Variants in FBLN5 observed in about 807,000 individuals in gnomAD.
FBLN5 encodes the protein fibulin 5, also known as fibulin-5.
FBLN5 carries 24 observed loss-of-function variants against 61.6 expected under a neutral mutation model. The ratio of observed to expected loss-of-function variants is 0.39; its 90% confidence interval spans 0.28 to 0.55. The LOEUF is 0.55. FBLN5 is among the 20% of genes least tolerant of loss of function. The pLI is 0.65. For synonymous variants in FBLN5, 213 were observed against 219.8 expected (o/e 0.97, Z 0.27); for missense variants, 470 against 594.1 (o/e 0.79, Z 2.17).
intron 4 of FBLN5, among the ~76,000 whole-genome samples, chr14:91,914,391 T>C (rs1438206678): frequency 7.3e-6 from 1 of 136,862 alleles, no homozygotes; most frequent in African/African-American, 2.8e-5. Context: ...GGCAGGAGAA[T>C]GGCATGAACC....
At position 91,947,086 on chromosome 14, in the gene FBLN5, A is replaced by G. The variant is rs2056196597; in HGVS notation, c.17+127T>C. The G allele has an allele frequency of 1.3e-6, 2 of 1,543,144 alleles. No homozygotes were observed. Among genetic ancestry groups the G allele is most frequent in the Admixed American group, 3.8e-5 (2 of 52,658 alleles). ...TTATAATTAACAATATCATTGCATCACTAGCTCATGCCTTTTCCAATATCC... is the reference window on the plus strand; with the variant it reads ...TTATAATTAACAATATCATTGCATCGCTAGCTCATGCCTTTTCCAATATCC... On this transcript the variant is annotated intron_variant, in intron 1 of 10. Coordinates refer to ENST00000342058, the MANE Select transcript of FBLN5 (RefSeq NM_006329.4). This position sits in a 1 kb window ranked among gnomAD's most constrained non-coding sequence, Gnocchi z 4.3.
chr14:91,889,927 T>C (rs1418252566), intron 6 of FBLN5, among the ~76,000 whole-genome samples: 2 of 152,128 alleles, frequency 1.3e-5, no homozygotes, highest in African/African-American at 4.8e-5. Flanking sequence ...CCTCAGGAGG[T>C]ACTGGGGGCA....
At chr14:91,925,127 TA>T (rs1054440762) in intron 4 of FBLN5, among the ~76,000 whole-genome samples, 1 of 151,828 alleles carries the variant, frequency 6.6e-6, no homozygotes, top group African/African-American at 2.4e-5. Flanking sequence ...GTAGAGCTCA[TA>T]AATCAACTCT....
Position 91,942,974 on chromosome 14 carries a change from A to G in FBLN5, c.18-13T>C, listed in dbSNP as rs945558917. On this transcript the variant is annotated splice_polypyrimidine_tract_variant and intron_variant, in intron 1 of 10. Transcript: ENST00000342058. ...AACAGTGAGTATCCTGTGGAGGTGA[A>G]AAGTCAAATATAAATGCCCAAGACA... 2.6e-6 allele frequency: 4 copies of G among 1,541,376 alleles called. No homozygotes were observed. Among genetic ancestry groups the G allele is most frequent in the Non-Finnish European group, 3.5e-6 (4 of 1,135,090 alleles).
At chr14:91,946,882 T>TA (rs1227201134) in intron 1 of FBLN5, 5 of 1,476,798 alleles carry the variant, frequency 3.4e-6, no homozygotes, top group Non-Finnish European at 4.5e-6. Flanking sequence ...TCCCGAAATT[T>TA]AAAAAATACA....
Position 91,947,621 on chromosome 14 carries a change from A to G in FBLN5, c.-392T>C, listed in dbSNP as rs1255774305. On this transcript the variant is annotated 5_prime_UTR_variant, in exon 1 of 11. Coordinates refer to ENST00000342058, the MANE Select transcript of FBLN5 (RefSeq NM_006329.4). This position sits in a 1 kb window ranked among gnomAD's most constrained non-coding sequence, Gnocchi z 4.3. ...TCACAACAATCTTGGGGCGTCTGCCAGGGCCCAGTGCTCGGCGCTGGGAGG... is the reference window on the plus strand; with the variant it reads ...TCACAACAATCTTGGGGCGTCTGCCGGGGCCCAGTGCTCGGCGCTGGGAGG... 3 of 241,034 alleles carry G rather than the reference A, an allele frequency of 1.2e-5. No homozygotes were observed. Among genetic ancestry groups the G allele is most frequent in the African/African-American group, 6.7e-5 (3 of 44,566 alleles). 14.9% of individuals were successfully genotyped at this position (241,034 alleles called of 1,614,324 possible). A position where few individuals can be genotyped will look rare whatever the true frequency, so the allele number is the denominator to read the frequency against.
chr14:91,925,506 G>T (rs1428289152), intron 4 of FBLN5, among the ~76,000 whole-genome samples: 2 of 152,210 alleles, frequency 1.3e-5, no homozygotes, highest in African/African-American at 2.4e-5. Flanking sequence ...GGGCTCCAGG[G>T]GGTGCCAGTG....
At chr14:91,909,216 C>T (rs1349966106) in intron 4 of FBLN5, among the ~76,000 whole-genome samples, 1 of 152,138 alleles carries the variant, frequency 6.6e-6, no homozygotes, top group East Asian at 1.9e-4. Flanking sequence ...CGCGCCCGGC[C>T]AGGAATCAGT....
intron 4 of FBLN5, among the ~76,000 whole-genome samples, chr14:91,897,853 A>C (rs1890288718): frequency 6.6e-6 from 1 of 152,210 alleles, no homozygotes; most frequent in East Asian, 1.9e-4. Context: ...GTTTGAGACC[A>C]GCCTGGGCAA....
chr14:91,907,880 C>CA lies in FBLN5; in HGVS notation c.380-12809dup, dbSNP rs200955590. Among the ~76,000 whole-genome samples the CA allele has an allele frequency of 2.6e-3, 390 of 151,722 alleles. 2 individuals are homozygous for CA. Among genetic ancestry groups the CA allele is most frequent in the African/African-American group, 8.3e-3 (344 of 41,368 alleles). On this transcript the variant is annotated intron_variant, in intron 4 of 10. Transcript: ENST00000342058. ...CTAGTCCTAGCCCCTTGTAGTTCAG[C>CA]AAAAAAACTGGCAATAAGTTTTATG... is the stretch of plus-strand genomic sequence containing the variant.
chr14:91,895,184 G>C, intron 4 of FBLN5, 112 bp from the exon 5 acceptor site: 3 of 1,317,652 alleles, frequency 2.3e-6, no homozygotes, highest in Non-Finnish European at 3.2e-6. Flanking sequence ...AAGGTCACTA[G>C]GTTACACCCA....
At chr14:91,937,304 A>G (rs1164522913) in intron 3 of FBLN5, 103 bp from the exon 4 acceptor site, 3 of 1,499,616 alleles carry the variant, frequency 2.0e-6, no homozygotes, top group African/African-American at 2.8e-5. Flanking sequence ...AAGCACTCCC[A>G]AACACCTAGG....
At chr14:91,908,921 A>G (rs1180974113) in intron 4 of FBLN5, among the ~76,000 whole-genome samples, 1 of 151,352 alleles carries the variant, frequency 6.6e-6, no homozygotes, top group South Asian at 2.1e-4. Flanking sequence ...TTTTTAATTA[A>G]TTAATTATTT....
At chr14:91,936,493 G>C (rs2056017764) in intron 4 of FBLN5, among the ~76,000 whole-genome samples, 1 of 152,184 alleles carries the variant, frequency 6.6e-6, no homozygotes, top group South Asian at 2.1e-4. Context: ...GCCCTTCAAG[G>C]CTTCTTGTAT....
intron 4 of FBLN5, among the ~76,000 whole-genome samples, chr14:91,899,218 G>A (rs374336432): frequency 9.9e-5 from 15 of 152,090 alleles, no homozygotes; most frequent in African/African-American, 3.4e-4. Context: ...ATTCCCTCCC[G>A]CTGTATGGTA....
intron 4 of FBLN5, among the ~76,000 whole-genome samples, chr14:91,906,608 C>T (rs1457921819): frequency 6.6e-6 from 1 of 152,218 alleles, no homozygotes; most frequent in African/African-American, 2.4e-5. Flanking sequence ...AAACACTTTT[C>T]AGGATTGCAT....
intron 4 of FBLN5, among the ~76,000 whole-genome samples, chr14:91,921,190 G>A (rs1240648204): frequency 6.6e-6 from 1 of 152,122 alleles, no homozygotes; most frequent in Non-Finnish European, 1.5e-5. Context: ...CTTAGAAAAG[G>A]CTCAAGCATG....
At chr14:91,934,698 C>A (rs1595345435) in intron 4 of FBLN5, among the ~76,000 whole-genome samples, 1 of 152,186 alleles carries the variant, frequency 6.6e-6, no homozygotes, top group East Asian at 1.9e-4. Flanking sequence ...CTGGAAAACA[C>A]CCACATTCTC....
chr14:91,877,656 G>C lies in FBLN5; in HGVS notation c.1016C>G (p.Pro339Arg), dbSNP rs1243959368. The change falls in exon 10 of 11, where the codon CCT (proline) becomes CGT (arginine). Residue 339 changes from proline (P) to arginine (R), a missense_variant. By Grantham distance (103) the Pro-to-Arg change is moderately radical. Coordinates refer to ENST00000342058, the MANE Select transcript of FBLN5 (RefSeq NM_006329.4). ...DNRCMCPAEN[P>R]GCRDQPFTIL... ...GGTAAAGGGCTGGTCTCTGCAGCCA[G>C]GGTTCTCAGCAGGACACATACAGCG... 1.2e-6 allele frequency: 2 copies of C among 1,614,118 alleles called. No individual in the cohort carries two copies. The highest frequency in any genetic ancestry group is 3.3e-5 in the Admixed American group (2 of 60,024).
Sources: gnomAD v4.1 joint callset for allele counts (sites outside exome capture counted in the v4.1 genomes callset) on GRCh38, gnomAD v4.1.1 for gene constraint, Gnocchi (gnomAD v3.1) non-coding constraint, MANE v1.5 for transcripts, NCBI Gene and HGNC (gene_info 2026-07-23, HGNC 2026-07-21) for gene names.